Variants in RTN4RL1 observed in about 807,000 individuals in gnomAD.
The protein encoded by RTN4RL1 is reticulon 4 receptor like 1.
A neutral mutation model predicts 25.6 loss-of-function variants in RTN4RL1; 7 were observed. The observed-to-expected ratio is 0.27, with a 90% CI of 0.16 to 0.51. The LOEUF (loss-of-function observed/expected upper bound fraction) is 0.51. RTN4RL1 is among the 20% of genes least tolerant of loss of function. The pLI is 0.97. For missense variants in RTN4RL1, 500 were observed against 615.6 expected (o/e 0.81, Z 1.99); for synonymous variants, 297 against 288.2 (o/e 1.03, Z -0.31).
chr17:1,940,173 G>T (rs1041145886), intron 1 of RTN4RL1, among the ~76,000 whole-genome samples: 2 of 152,240 alleles, frequency 1.3e-5, no homozygotes, highest in Non-Finnish European at 2.9e-5. Flanking sequence ...AGTGGCAGCT[G>T]CTTCCCGTCC....
At position 2,025,266 on chromosome 17, in the gene RTN4RL1, A is replaced by C; in HGVS notation, c.-401T>G. 6.1e-6 allele frequency: 1 copy of C among 164,134 alleles called. No homozygotes were observed. Among genetic ancestry groups the C allele is most frequent in the East Asian group, 1.7e-4 (1 of 5,930 alleles). 10.2% of individuals were successfully genotyped at this position (164,134 alleles called of 1,614,324 possible). ...ACCACCGCCGCCGCGGCTGCAGCAAAAGGGCGCTCGCACGCACCGCCGAGC... is the reference window on the plus strand; with the variant it reads ...ACCACCGCCGCCGCGGCTGCAGCAACAGGGCGCTCGCACGCACCGCCGAGC... On this transcript the variant is annotated 5_prime_UTR_variant, in exon 1 of 2. Coordinates refer to ENST00000331238, the MANE Select transcript of RTN4RL1 (RefSeq NM_178568.4). The surrounding 1 kb of genome is among the most constrained non-coding windows in gnomAD (Gnocchi z 4.8).
intron 1 of RTN4RL1, among the ~76,000 whole-genome samples, chr17:2,000,594 C>T (rs12936147): frequency 7.2e-5 from 11 of 151,940 alleles, no homozygotes; most frequent in African/African-American, 9.7e-5. Context: ...GGTGCGATCT[C>T]GGCTCACCTC....
At chr17:1,956,293 G>C (rs889305677) in intron 1 of RTN4RL1, among the ~76,000 whole-genome samples, 3 of 152,136 alleles carry the variant, frequency 2.0e-5, no homozygotes, top group East Asian at 1.9e-4. Flanking sequence ...CTCCTAACGC[G>C]TACGGCGAAA....
Position 1,994,633 on chromosome 17 carries a change from C to T in RTN4RL1, c.13+30220G>A, listed in dbSNP as rs2066922119. Among the ~76,000 whole-genome samples the T allele has an allele frequency of 6.6e-6, 1 of 152,130 alleles. No individual in the cohort carries two copies. The highest frequency in any genetic ancestry group is 1.5e-5 in the Non-Finnish European group (1 of 68,028). ...GTCTGAGTGAAGATGCTGGAGTCAG[C>T]CAGGCCTGGATTCCAATCCCAGCTC... On this transcript the variant is annotated intron_variant, in intron 1 of 1. Transcript: ENST00000331238. This position sits in a 1 kb window ranked among gnomAD's most constrained non-coding sequence, Gnocchi z 4.3.
intron 1 of RTN4RL1, among the ~76,000 whole-genome samples, chr17:2,014,529 A>G (rs16951823): frequency 0.12 from 18,526 of 152,122 alleles, 1,811 homozygotes; most frequent in African/African-American, 0.26. Flanking sequence ...CAAATCCTTC[A>G]AGACAAAAGA....
chr17:1,956,599 G>A lies in RTN4RL1; in HGVS notation c.14-18791C>T, dbSNP rs1030751605. Among the ~76,000 whole-genome samples the A allele has an allele frequency of 3.3e-5, 5 of 152,184 alleles. No homozygotes were observed. The South Asian group carries it at 8.3e-4, about 25-fold the overall frequency. On this transcript the variant is annotated intron_variant, in intron 1 of 1. Transcript: ENST00000331238. ...TGGACAGACTGTAATTTATTTATCC[G>A]TGAAAGAGTTAGATCGTTTCTCATT... is the stretch of plus-strand genomic sequence containing the variant.
chr17:1,955,737 C>G (rs1915779079), intron 1 of RTN4RL1, among the ~76,000 whole-genome samples: 1 of 151,898 alleles, frequency 6.6e-6, no homozygotes, highest in East Asian at 2.0e-4. Flanking sequence ...GCGCCCACCA[C>G]CATGCCCGGC....
intron 1 of RTN4RL1, among the ~76,000 whole-genome samples, chr17:1,986,829 C>G (rs921676386): frequency 4.6e-5 from 7 of 152,104 alleles, no homozygotes; most frequent in South Asian, 2.1e-4. Context: ...GGCCCTGCCC[C>G]CCGACCCAGG....
intron 1 of RTN4RL1, among the ~76,000 whole-genome samples, chr17:1,957,400 G>A (rs1296639600): frequency 6.6e-6 from 1 of 152,212 alleles, no homozygotes; most frequent in African/African-American, 2.4e-5. Flanking sequence ...GGAAGGGAAG[G>A]GGGTTAACAT....
chr17:1,951,699 T>G (rs1915684378), intron 1 of RTN4RL1, among the ~76,000 whole-genome samples: 1 of 152,000 alleles, frequency 6.6e-6, no homozygotes, highest in African/African-American at 2.4e-5. Context: ...GTGATCCAGC[T>G]GCCTCGGCCT....
At chr17:1,939,449 G>A (rs1025020335) in intron 1 of RTN4RL1, among the ~76,000 whole-genome samples, 2 of 152,140 alleles carry the variant, frequency 1.3e-5, no homozygotes, top group Non-Finnish European at 2.9e-5. Context: ...CTGAGAGGGC[G>A]CCTGTCTGTG....
intron 1 of RTN4RL1, among the ~76,000 whole-genome samples, chr17:1,943,543 C>T (rs993439708): frequency 1.4e-4 from 22 of 152,238 alleles, no homozygotes; most frequent in African/African-American, 4.3e-4. Context: ...TCCCCCTCCC[C>T]GCTTTCCCAG....
intron 1 of RTN4RL1, among the ~76,000 whole-genome samples, chr17:2,001,240 T>C (rs1031516837): frequency 6.6e-6 from 1 of 151,360 alleles, no homozygotes; most frequent in Admixed American, 6.6e-5. Flanking sequence ...GTTTAGCTTA[T>C]TTGATCCTCT....
At chr17:2,023,470 CA>C (rs1249990714) in intron 1 of RTN4RL1, 1 of 152,296 alleles carries the variant, frequency 6.6e-6, no homozygotes, top group African/African-American at 2.4e-5. Context: ...GCACAAGTCA[CA>C]CACAAGTTTG....
chr17:2,002,344 G>C (rs886981581), intron 1 of RTN4RL1, among the ~76,000 whole-genome samples: 2 of 148,664 alleles, frequency 1.3e-5, no homozygotes, highest in Non-Finnish European at 3.0e-5. Context: ...CCAGGCTGGA[G>C]TGCAGTGGCG....
intron 1 of RTN4RL1, among the ~76,000 whole-genome samples, chr17:2,015,526 C>T (rs1406945424): frequency 2.0e-5 from 3 of 152,124 alleles, no homozygotes; most frequent in Non-Finnish European, 4.4e-5. Flanking sequence ...CTGGCCAAGA[C>T]GGCCGAGAGG....
chr17:2,004,116 C>G (rs1208026880), intron 1 of RTN4RL1, among the ~76,000 whole-genome samples: 2 of 150,878 alleles, frequency 1.3e-5, no homozygotes, highest in Non-Finnish European at 2.9e-5. Context: ...CGCCTGTAAT[C>G]CCAGCACTTT....
intron 1 of RTN4RL1, among the ~76,000 whole-genome samples, chr17:1,962,161 T>C (rs1279778170): frequency 6.7e-6 from 1 of 149,484 alleles, no homozygotes; most frequent in Non-Finnish European, 1.5e-5. Flanking sequence ...GTGCATGCAG[T>C]CCCAGCTACT....
intron 1 of RTN4RL1, among the ~76,000 whole-genome samples, chr17:1,941,559 C>T (rs1266644917): frequency 1.3e-5 from 2 of 152,174 alleles, no homozygotes; most frequent in Non-Finnish European, 1.5e-5. Flanking sequence ...CAGCCCCTCC[C>T]GTCCCAGTGC....
Sources: allele counts gnomAD v4.1 joint callset (sites outside exome capture counted in the v4.1 genomes callset), GRCh38; gene constraint gnomAD v4.1.1; non-coding constraint Gnocchi (gnomAD v3.1); transcripts MANE v1.5; gene names NCBI Gene and HGNC (gene_info 2026-07-23, HGNC 2026-07-21).